NAV3: variants seen among roughly 807,000 people sequenced by gnomAD.
The protein encoded by NAV3 is neuron navigator 3, also known as pore membrane and/or filament interacting like protein 1.
Under a neutral mutation model 244.7 loss-of-function variants are expected in NAV3, and 87 were observed. The observed-to-expected ratio is 0.36, with a 90% CI of 0.30 to 0.42. The LOEUF (loss-of-function observed/expected upper bound fraction) is 0.42, where lower values mean the gene tolerates loss of function less well. NAV3 is among the 20% of genes least tolerant of loss of function. The probability of loss-of-function intolerance (pLI) is 1.00; values close to 1 mark genes in which losing one functional copy is unlikely to be tolerated. For missense variants in NAV3, 2,663 were observed against 2,893.3 expected, an observed-to-expected ratio of 0.92 and a Z score of 1.83; for synonymous variants, 1,126 against 1,042.2, an observed-to-expected ratio of 1.08 and a Z score of -1.55.
At chr12:77,903,345 C>G (rs1458140468) in intron 1 of NAV3, among the ~76,000 whole-genome samples, 2 of 152,138 alleles carry the variant, frequency 1.3e-5, no homozygotes, top group African/African-American at 4.8e-5. Context: ...TGCCGCATAT[C>G]TACAACCATC....
At chr12:77,625,771 A>G (rs889175625) in intron 2 of NAV3, among the ~76,000 whole-genome samples, 5 of 152,136 alleles carry the variant, frequency 3.3e-5, no homozygotes, top group African/African-American at 9.7e-5. Context: ...CTCAACCAAC[A>G]CTATAGATAA....
chr12:77,764,716 C>G (rs573782098), intron 2 of NAV3, among the ~76,000 whole-genome samples: 33 of 152,318 alleles, frequency 2.2e-4, no homozygotes, highest in Non-Finnish European at 3.7e-4. Context: ...TATTCCTTAA[C>G]TATTTTACTC....
chr12:77,675,196 T>A (rs916712366), intron 2 of NAV3, among the ~76,000 whole-genome samples: 1 of 152,218 alleles, frequency 6.6e-6, no homozygotes, highest in East Asian at 1.9e-4. Context: ...CAGTCTTCTT[T>A]GTGAATATTC....
At chr12:78,182,201 G>A (rs1958525328) in intron 30 of NAV3, among the ~76,000 whole-genome samples, 1 of 152,012 alleles carries the variant, frequency 6.6e-6, no homozygotes, top group Non-Finnish European at 1.5e-5. Context: ...GGTAATTTGA[G>A]TTTGTAAATT....
chr12:78,019,761 C>G (rs774160826), intron 8 of NAV3, among the ~76,000 whole-genome samples: 1 of 152,016 alleles, frequency 6.6e-6, no homozygotes, highest in Non-Finnish European at 1.5e-5. Context: ...TGCTGGAGAC[C>G]ATCATCCCAT....
intron 3 of NAV3, among the ~76,000 whole-genome samples, chr12:77,962,005 CTT>C (rs1468263949): frequency 2.0e-5 from 3 of 152,090 alleles, no homozygotes; most frequent in Non-Finnish European, 4.4e-5. Context: ...ATAGTCAACT[CTT>C]AGCTCTTGTC....
At chr12:78,138,155 G>T (rs186000488) in intron 19 of NAV3, among the ~76,000 whole-genome samples, 9 of 152,152 alleles carry the variant, frequency 5.9e-5, no homozygotes, top group African/African-American at 2.2e-4. Flanking sequence ...AAACTGATTA[G>T]AATGAAATTA....
At chr12:78,145,339 A>G (rs961652035) in intron 20 of NAV3, among the ~76,000 whole-genome samples, 7 of 152,216 alleles carry the variant, frequency 4.6e-5, no homozygotes, top group African/African-American at 1.7e-4. Context: ...TCTGGCAAAT[A>G]AAATATATCC....
At chr12:77,853,145 A>T (rs1246083303) in intron 1 of NAV3, among the ~76,000 whole-genome samples, 1 of 152,158 alleles carries the variant, frequency 6.6e-6, no homozygotes, top group Non-Finnish European at 1.5e-5. Context: ...CTCTGGTATC[A>T]CCATTGTTAT....
chr12:77,780,159 A>C (rs567547109), intron 2 of NAV3, among the ~76,000 whole-genome samples: 1 of 152,108 alleles, frequency 6.6e-6, no homozygotes, highest in Non-Finnish European at 1.5e-5. Context: ...GGGTGAGCAG[A>C]ATATATTTGT....
chr12:77,707,405 T>A (rs1185403212), intron 2 of NAV3, among the ~76,000 whole-genome samples: 3 of 152,180 alleles, frequency 2.0e-5, no homozygotes, highest in Non-Finnish European at 4.4e-5. Context: ...TTTTTCTGGC[T>A]GCAGAGTATT....
intron 2 of NAV3, among the ~76,000 whole-genome samples, chr12:77,819,209 G>A (rs1872636038): frequency 1.3e-5 from 2 of 151,914 alleles, no homozygotes; most frequent in South Asian, 2.1e-4. Flanking sequence ...TACTGGGAAC[G>A]TTTTATGAGA....
At chr12:77,678,956 G>A (rs946045931) in intron 2 of NAV3, among the ~76,000 whole-genome samples, 3 of 152,108 alleles carry the variant, frequency 2.0e-5, no homozygotes, top group African/African-American at 7.2e-5. Context: ...TCCTTTGAAA[G>A]TCTTTAAGTA....
At chr12:78,136,690 T>C (rs1033770859) in intron 18 of NAV3, among the ~76,000 whole-genome samples, 1 of 152,236 alleles carries the variant, frequency 6.6e-6, no homozygotes, top group African/African-American at 2.4e-5. Flanking sequence ...GTCCTAATCA[T>C]GAACTTACAT....
At chr12:78,116,250 G>A (rs1312820684) in intron 12 of NAV3, among the ~76,000 whole-genome samples, 1 of 152,160 alleles carries the variant, frequency 6.6e-6, no homozygotes, top group East Asian at 1.9e-4. Context: ...ATGATTGAAT[G>A]AATCTCAATA....
intron 2 of NAV3, among the ~76,000 whole-genome samples, chr12:77,712,697 G>A (rs923198433): frequency 1.3e-5 from 2 of 151,964 alleles, no homozygotes; most frequent in African/African-American, 4.8e-5. Context: ...TTACAAATGG[G>A]GTTTATTTTA....
intron 2 of NAV3, among the ~76,000 whole-genome samples, chr12:77,604,693 G>A (rs1870591599): frequency 1.3e-5 from 2 of 151,926 alleles, no homozygotes; most frequent in Admixed American, 6.6e-5. Context: ...CTAGAAAGCT[G>A]TTTATGTCAG....
intron 16 of NAV3, among the ~76,000 whole-genome samples, chr12:78,124,687 C>T (rs1164043548): frequency 6.6e-6 from 1 of 152,068 alleles, no homozygotes; most frequent in African/African-American, 2.4e-5. Context: ...CTCCTGACTT[C>T]AAGCGATCTA....
intron 2 of NAV3, among the ~76,000 whole-genome samples, chr12:77,593,832 A>C (rs745525221): frequency 4.6e-5 from 7 of 151,690 alleles, no homozygotes; most frequent in Non-Finnish European, 5.9e-5. Flanking sequence ...AAGAGAAATT[A>C]ACTGTGTAGA....
Sources: gnomAD v4.1 joint callset for allele counts (sites outside exome capture counted in the v4.1 genomes callset) on GRCh38, gnomAD v4.1.1 for gene constraint, MANE v1.5 for transcripts, NCBI Gene and HGNC (gene_info 2026-07-23, HGNC 2026-07-21) for gene names.